MTHFS: variants seen among roughly 807,000 people sequenced by gnomAD.
MTHFS encodes methenyltetrahydrofolate synthetase, also known as 5-formyltetrahydrofolate cyclo-ligase.
In MTHFS, 7 loss-of-function variants were observed where a neutral mutation model predicts 12.7. That is an observed-to-expected ratio of 0.55 (90% CI 0.31 to 1.03). MTHFS has a LOEUF of 1.03. Among genes scored for constraint, MTHFS ranks in the 50% least tolerant of loss-of-function variants. The pLI, the probability that MTHFS is intolerant of heterozygous loss-of-function variation, is 0.05. For synonymous variants in MTHFS, 100 were observed against 97.1 expected (o/e 1.03, Z -0.18); for missense variants, 252 against 258.1 (o/e 0.98, Z 0.16).
chr15:79,887,634 G>C (rs2034404222), intron 2 of MTHFS, among the ~76,000 whole-genome samples: 1 of 152,198 alleles, frequency 6.6e-6, no homozygotes, highest in South Asian at 2.1e-4. Context: ...CATTAAGTTT[G>C]AGCAAAGTCA....
chr15:79,882,694 A>G (rs2034316305), intron 2 of MTHFS, among the ~76,000 whole-genome samples: 2 of 152,212 alleles, frequency 1.3e-5, no homozygotes, highest in Admixed American at 1.3e-4. Context: ...CATCTTTTAT[A>G]CAGATCTAGT....
chr15:79,859,176 C>T (rs1219251226), intron 2 of MTHFS, among the ~76,000 whole-genome samples: 4 of 152,210 alleles, frequency 2.6e-5, no homozygotes, highest in African/African-American at 9.7e-5. Context: ...CAACACAATT[C>T]CAATCAAGCT....
intron 2 of MTHFS, among the ~76,000 whole-genome samples, chr15:79,880,108 C>T (rs1282292333): frequency 2.6e-5 from 4 of 152,130 alleles, no homozygotes; most frequent in Non-Finnish European, 4.4e-5. Context: ...CTCGCTCTGT[C>T]GCCCAGGCTG....
At chr15:79,863,601 C>T (rs1311612732) in intron 2 of MTHFS, among the ~76,000 whole-genome samples, 1 of 152,196 alleles carries the variant, frequency 6.6e-6, no homozygotes, top group African/African-American at 2.4e-5. Context: ...CGCAACACCA[C>T]ATTTCTCACC....
At chr15:79,878,527 T>C (rs1231371002) in intron 2 of MTHFS, among the ~76,000 whole-genome samples, 1 of 148,252 alleles carries the variant, frequency 6.7e-6, no homozygotes, top group Non-Finnish European at 1.5e-5. Context: ...CCGTAGTGCC[T>C]AGCAAGGCTT....
intron 1 of MTHFS, 69 bp downstream of exon 1, chr15:79,896,803 A>G (rs898704477): frequency 6.5e-7 from 1 of 1,532,976 alleles, no homozygotes; most frequent in Non-Finnish European, 8.7e-7. Context: ...TGCACAGATC[A>G]GCAATCGCTG....
chr15:79,849,801 T>C (rs2033680307), intron 2 of MTHFS, among the ~76,000 whole-genome samples: 3 of 152,288 alleles, frequency 2.0e-5, no homozygotes, highest in Non-Finnish European at 4.4e-5. Flanking sequence ...TGCAGAGTCA[T>C]GGTTTGTTGA....
intron 2 of MTHFS, among the ~76,000 whole-genome samples, chr15:79,857,430 C>G (rs2033830466): frequency 6.6e-6 from 1 of 152,170 alleles, no homozygotes; most frequent in Non-Finnish European, 1.5e-5. Context: ...CCTGCAACCT[C>G]TCTGGTTCAG....
rs201569682 is a variant in MTHFS at position 79,889,137 on chromosome 15, G to A, written c.335C>T (p.Pro112Leu). ...SLLPKTSWNI[P>L]QPGEGDVREE... ...CCGAACATCACCCTCACCAGGCTGA[G>A]GGATATTCCAGGATGTTTTGGGAAG... The change falls in exon 2 of 3, where the codon CCT (proline) becomes CTT (leucine). Residue 112 changes from proline (P) to leucine (L), a missense_variant. Transcript: ENST00000258874. 14 of 1,614,170 alleles carry A rather than the reference G, an allele frequency of 8.7e-6. No homozygotes were observed. The Admixed American group carries it at 2.0e-4, about 23-fold the overall frequency.
chr15:79,889,028 A>C, intron 2 of MTHFS, 65 bp downstream of exon 2: 1 of 1,581,942 alleles, frequency 6.3e-7, no homozygotes, highest in Admixed American at 1.7e-5. Flanking sequence ...CCCACACATA[A>C]CCCGTGGATC....
chr15:79,856,855 A>G (rs906535405), intron 2 of MTHFS, among the ~76,000 whole-genome samples: 1 of 152,190 alleles, frequency 6.6e-6, no homozygotes, highest in African/African-American at 2.4e-5. Flanking sequence ...GCTCACATTC[A>G]TGTGAGGGTG....
intron 2 of MTHFS, among the ~76,000 whole-genome samples, chr15:79,862,675 T>C: frequency 6.6e-6 from 1 of 152,236 alleles, no homozygotes; most frequent in East Asian, 1.9e-4. Flanking sequence ...TATCCATTTC[T>C]ATATATATGA....
rs973428197 is a variant in MTHFS, at chr15:79,844,431, G to C, written c.*779C>G. ...TGAGTAAGAGAGCCACGTGACTCCC[G>C]GGTTTCTGGAGATGACCAAATCCTC... On this transcript the variant is annotated 3_prime_UTR_variant, in exon 3 of 3. Transcript: ENST00000258874. 6.6e-6 allele frequency: 1 copy of C among 152,272 alleles called. No homozygotes were observed. Among genetic ancestry groups the C allele is most frequent in the Non-Finnish European group, 1.5e-5 (1 of 68,006 alleles). 9.4% of individuals were successfully genotyped at this position (152,272 alleles called of 1,614,324 possible).
chr15:79,886,571 C>T (rs1009100573), intron 2 of MTHFS, among the ~76,000 whole-genome samples: 8 of 151,940 alleles, frequency 5.3e-5, no homozygotes, highest in Non-Finnish European at 1.0e-4. Flanking sequence ...AAATGAGCAA[C>T]CAGTTGTGGG....
intron 2 of MTHFS, among the ~76,000 whole-genome samples, chr15:79,858,221 C>A (rs1428719433): frequency 6.6e-6 from 1 of 152,018 alleles, no homozygotes; most frequent in Non-Finnish European, 1.5e-5. Context: ...GACCTAACAA[C>A]CTGGTCAGCT....
At position 79,844,914 on chromosome 15, in the gene MTHFS, C is replaced by T; in HGVS notation, c.*296G>A. On this transcript the variant is annotated 3_prime_UTR_variant, in exon 3 of 3. Coordinates refer to ENST00000258874, the MANE Select transcript of MTHFS (RefSeq NM_006441.4). ...CGCACTCAGTCGGAGCACAGTTCCT[C>T]ATAAATATTTAACTTAAATTGCAAA... 1 of 395,270 alleles carries T rather than the reference C, an allele frequency of 2.5e-6. No homozygotes were observed. The highest frequency in any genetic ancestry group is 4.6e-6 in the Non-Finnish European group (1 of 217,056). The allele number at this position is 395,270 out of a possible 1,614,324, so 24.5% of individuals were successfully genotyped here. A position where few individuals can be genotyped will look rare whatever the true frequency, so the allele number is the denominator to read the frequency against.
chr15:79,866,772 GAAA>G (rs1160021963), intron 2 of MTHFS, among the ~76,000 whole-genome samples: 2 of 152,166 alleles, frequency 1.3e-5, no homozygotes, highest in Non-Finnish European at 2.9e-5. Context: ...CCAACATGAA[GAAA>G]CCCCACCTCT....
At chr15:79,870,591 T>G (rs1455417108) in intron 2 of MTHFS, among the ~76,000 whole-genome samples, 1 of 152,050 alleles carries the variant, frequency 6.6e-6, no homozygotes, top group Non-Finnish European at 1.5e-5. Context: ...AAAAAACTAC[T>G]TAAAGGAATA....
chr15:79,893,005 G>A (rs1277626819), intron 1 of MTHFS, among the ~76,000 whole-genome samples: 1 of 152,090 alleles, frequency 6.6e-6, no homozygotes, highest in Non-Finnish European at 1.5e-5. Context: ...ACATATTTTT[G>A]TAAATACTGT....
Sources: gnomAD v4.1 joint callset for allele counts (sites outside exome capture counted in the v4.1 genomes callset) on GRCh38, gnomAD v4.1.1 for gene constraint, MANE v1.5 for transcripts, NCBI Gene and HGNC (gene_info 2026-07-23, HGNC 2026-07-21) for gene names.